The following WWOX variants were observed in gnomAD, a reference collection of about 807,000 sequenced individuals.
The protein encoded by WWOX is WW domain-containing oxidoreductase.
A neutral mutation model predicts 46.2 loss-of-function variants in WWOX; 69 were observed. The observed-to-expected ratio is 1.49, with a 90% CI of 1.23 to 1.82. The LOEUF (loss-of-function observed/expected upper bound fraction) is 1.82, where lower values mean the gene tolerates loss of function less well. Among genes scored for constraint, WWOX ranks in the 40% most tolerant of loss-of-function variants. WWOX has a pLI of 0.00. For missense variants in WWOX, 919 were observed against 542.6 expected (o/e 1.69, Z -6.89); for synonymous variants, 359 against 202.6 (o/e 1.77, Z -6.56).
intron 8 of WWOX, among the ~76,000 whole-genome samples, chr16:78,894,952 T>C (rs1192433054): frequency 6.6e-6 from 1 of 152,114 alleles, no homozygotes; most frequent in African/African-American, 2.4e-5. Context: ...TTCCAATGGA[T>C]CCACCCAGGA....
intron 8 of WWOX, among the ~76,000 whole-genome samples, chr16:78,801,022 T>C (rs549633522): frequency 1.3e-5 from 2 of 152,230 alleles, no homozygotes; most frequent in African/African-American, 2.4e-5. Context: ...TGCTCCACTT[T>C]TCTGGGCAGT....
intron 8 of WWOX, among the ~76,000 whole-genome samples, chr16:79,069,500 A>T (rs1317864322): frequency 2.0e-5 from 3 of 151,540 alleles, no homozygotes; most frequent in Non-Finnish European, 4.4e-5. Context: ...GAACCGACTT[A>T]TTTATCACAA....
intron 5 of WWOX, among the ~76,000 whole-genome samples, chr16:78,311,245 C>T (rs1180816574): frequency 1.3e-5 from 2 of 152,128 alleles, no homozygotes; most frequent in Admixed American, 6.5e-5. Flanking sequence ...CAGTTGCATT[C>T]CCTGTATGTC....
At chr16:79,148,039 T>G (rs1386599685) in intron 8 of WWOX, among the ~76,000 whole-genome samples, 1 of 152,218 alleles carries the variant, frequency 6.6e-6, no homozygotes, top group Non-Finnish European at 1.5e-5. Flanking sequence ...TTTCATCATC[T>G]TTACATGGAC....
At chr16:79,055,443 C>T (rs897629691) in intron 8 of WWOX, among the ~76,000 whole-genome samples, 1 of 152,052 alleles carries the variant, frequency 6.6e-6, no homozygotes, top group Non-Finnish European at 1.5e-5. Context: ...CCTGAGACTG[C>T]CATGTTGAAG....
At chr16:78,825,611 G>T in intron 8 of WWOX, 1 of 525,828 alleles carries the variant, frequency 1.9e-6, no homozygotes. Flanking sequence ...TCCTAGGAGG[G>T]CTTACTGTGC....
chr16:79,007,177 G>A (rs1036300881), intron 8 of WWOX, among the ~76,000 whole-genome samples: 4 of 152,286 alleles, frequency 2.6e-5, no homozygotes, highest in South Asian at 2.1e-4. Context: ...GGTGAAGGGC[G>A]TTGAAGAAGT....
chr16:79,154,587 T>C (rs2050344796), intron 8 of WWOX, among the ~76,000 whole-genome samples: 1 of 151,974 alleles, frequency 6.6e-6, no homozygotes, highest in African/African-American at 2.4e-5. Context: ...CGATGGCAAT[T>C]TTGTGTTTTC....
chr16:79,113,594 C>T (rs374609898), intron 8 of WWOX, among the ~76,000 whole-genome samples: 6 of 152,230 alleles, frequency 3.9e-5, no homozygotes, highest in African/African-American at 9.6e-5. Context: ...CAATCCCTGT[C>T]GCCAAAGAAG....
chr16:78,598,668 C>A (rs905483492), intron 8 of WWOX, among the ~76,000 whole-genome samples: 1 of 152,120 alleles, frequency 6.6e-6, no homozygotes, highest in South Asian at 2.1e-4. Context: ...AAAATCACAG[C>A]ACTGGTTGAA....
At chr16:78,306,866 C>T (rs2080144049) in intron 5 of WWOX, among the ~76,000 whole-genome samples, 1 of 152,168 alleles carries the variant, frequency 6.6e-6, no homozygotes, top group Non-Finnish European at 1.5e-5. Flanking sequence ...AGCCCCACTC[C>T]TTCCCACAAT....
At chr16:78,211,352 G>C (rs572113563) in intron 5 of WWOX, among the ~76,000 whole-genome samples, 82 of 152,112 alleles carry the variant, frequency 5.4e-4, no homozygotes, top group Non-Finnish European at 8.8e-4. Context: ...TCTTCCTTTT[G>C]TTCACTTGTA....
intron 5 of WWOX, among the ~76,000 whole-genome samples, chr16:78,178,196 G>C (rs2035410629): frequency 6.6e-6 from 1 of 152,200 alleles, no homozygotes; most frequent in Admixed American, 6.5e-5. Context: ...GGCTGGGTTT[G>C]GTACAGAGGG....
At chr16:78,307,699 ATCAGAAAC>A (rs1467837111) in intron 5 of WWOX, among the ~76,000 whole-genome samples, 5 of 152,204 alleles carry the variant, frequency 3.3e-5, no homozygotes, top group African/African-American at 1.2e-4. Context: ...TAGAGCAGTG[ATCAGAAAC>A]TCATACAAGT....
Position 79,101,911 on chromosome 16 carries a change from G to C in WWOX, c.1057-109697G>C, listed in dbSNP as rs556743624. 8.6e-5 allele frequency among the ~76,000 whole-genome samples: 13 copies of C among 151,274 alleles called. No individual in the cohort carries two copies. In the South Asian group the frequency reaches 2.3e-3, roughly 27 times the overall value. On this transcript the variant is annotated intron_variant, in intron 8 of 8. Coordinates refer to ENST00000566780, the MANE Select transcript of WWOX (RefSeq NM_016373.4). ...GGCTTTCATGCATGAAACACTCAGG[G>C]AGGTAGGAGATCCATGAGATCCAAG...
At chr16:78,839,086 G>T (rs1313582669) in intron 8 of WWOX, among the ~76,000 whole-genome samples, 1 of 151,446 alleles carries the variant, frequency 6.6e-6, no homozygotes, top group African/African-American at 2.4e-5. Context: ...TGAGATTGCT[G>T]TATTATTTCT....
intron 8 of WWOX, among the ~76,000 whole-genome samples, chr16:78,474,663 A>C (rs963303046): frequency 2.0e-5 from 3 of 152,172 alleles, no homozygotes; most frequent in Non-Finnish European, 2.9e-5. Flanking sequence ...GAGTTGTGCA[A>C]CCATTGCCAC....
intron 8 of WWOX, among the ~76,000 whole-genome samples, chr16:78,933,381 T>G (rs1427131251): frequency 1.3e-5 from 2 of 152,202 alleles, no homozygotes; most frequent in African/African-American, 2.4e-5. Flanking sequence ...TGAGGTTATG[T>G]TGAGCCAAGA....
chr16:78,463,814 T>C (rs750735852), intron 8 of WWOX, among the ~76,000 whole-genome samples: 2 of 152,202 alleles, frequency 1.3e-5, no homozygotes, highest in Admixed American at 1.3e-4. Flanking sequence ...AGAAGTGTTT[T>C]ATGAGGGAGT....
Sources: allele counts gnomAD v4.1 joint callset (sites outside exome capture counted in the v4.1 genomes callset), GRCh38; gene constraint gnomAD v4.1.1; transcripts MANE v1.5; gene names NCBI Gene and HGNC (gene_info 2026-07-23, HGNC 2026-07-21).